Variants in STX8 observed in about 807,000 individuals in gnomAD.
STX8 encodes syntaxin-8.
STX8 carries 23 observed loss-of-function variants against 37.5 expected under a neutral mutation model. The ratio of observed to expected loss-of-function variants is 0.61; its 90% CI spans 0.44 to 0.87. The LOEUF is 0.87. Ranked by LOEUF, STX8 falls within the 40% of genes least tolerant of loss-of-function variation. The pLI, the probability that STX8 is intolerant of heterozygous loss-of-function variation, is 0.00. For synonymous variants in STX8, 115 were observed against 99.1 expected (o/e 1.16, Z -0.95); for missense variants, 313 against 284.7 (o/e 1.10, Z -0.71).
rs1199002351 is a variant in STX8, at chr17:9,418,922, C to CTT, written c.542-40271_542-40270dup. Among the ~76,000 whole-genome samples, 661 of 110,698 alleles carry CTT rather than the reference C, an allele frequency of 6.0e-3. 9 individuals are homozygous for CTT. Among genetic ancestry groups the CTT allele is most frequent in the South Asian group, 0.037 (111 of 2,972 alleles). The allele number at this position is 110,698 out of a possible 152,430, so 72.6% of individuals were successfully genotyped here. A position where few individuals can be genotyped will look rare whatever the true frequency, so the allele number is the denominator to read the frequency against. ...CCCACACCCCCCCCTCTTTTTTTTT[C>CTT]TTTTTTTTTTTTTTTTAAAGAGATG... On this transcript the variant is annotated intron_variant, in intron 6 of 7. Coordinates refer to ENST00000306357, the MANE Select transcript of STX8 (RefSeq NM_004853.3).
At chr17:9,509,736 G>A (rs1269224062) in intron 4 of STX8, among the ~76,000 whole-genome samples, 1 of 151,090 alleles carries the variant, frequency 6.6e-6, no homozygotes, top group Non-Finnish European at 1.5e-5. Flanking sequence ...AAAACAGCCA[G>A]AAAACAATAA....
intron 6 of STX8, among the ~76,000 whole-genome samples, chr17:9,458,211 G>A (rs1465854315): frequency 6.6e-6 from 1 of 152,120 alleles, no homozygotes; most frequent in Non-Finnish European, 1.5e-5. Flanking sequence ...GTGCAGTGGC[G>A]CCATCTTGGC....
At chr17:9,552,600 CCTAT>C (rs1489465170) in intron 3 of STX8, among the ~76,000 whole-genome samples, 1 of 151,996 alleles carries the variant, frequency 6.6e-6, no homozygotes, top group Non-Finnish European at 1.5e-5. Context: ...TATCTACTTA[CCTAT>C]CTTTGTTTTT....
intron 6 of STX8, among the ~76,000 whole-genome samples, chr17:9,382,570 A>G (rs1489798630): frequency 6.6e-6 from 1 of 152,164 alleles, no homozygotes; most frequent in Non-Finnish European, 1.5e-5. Context: ...TCCTAATGCT[A>G]TCCCTCCCCC....
intron 3 of STX8, chr17:9,557,041 A>C (rs1907008866): frequency 6.0e-6 from 1 of 167,160 alleles, no homozygotes; most frequent in East Asian, 1.5e-4. Context: ...ATCATTAAAA[A>C]CTCTGGAAAC....
chr17:9,431,444 TG>T (rs375752071), intron 6 of STX8, among the ~76,000 whole-genome samples: 25 of 148,438 alleles, frequency 1.7e-4, no homozygotes, highest in African/African-American at 2.3e-4. Context: ...TTGTTGTTGT[TG>T]TTGTTTTGTT....
intron 6 of STX8, among the ~76,000 whole-genome samples, chr17:9,460,013 C>T (rs1422253784): frequency 2.6e-5 from 4 of 152,210 alleles, no homozygotes; most frequent in African/African-American, 9.6e-5. Context: ...GGCCGAGCTC[C>T]AGCATCACAC....
intron 7 of STX8, among the ~76,000 whole-genome samples, chr17:9,342,060 G>T (rs557735370): frequency 2.6e-5 from 4 of 152,098 alleles, no homozygotes; most frequent in African/African-American, 9.7e-5. Context: ...GGAGGGGAAG[G>T]GGGAGATGGT....
At chr17:9,294,812 G>A (rs1365476672) in intron 7 of STX8, among the ~76,000 whole-genome samples, 1 of 152,208 alleles carries the variant, frequency 6.6e-6, no homozygotes, top group Non-Finnish European at 1.5e-5. Context: ...GAGGTCATAA[G>A]AGTGGGGTAC....
At chr17:9,251,671 C>T (rs778818596) in intron 7 of STX8, among the ~76,000 whole-genome samples, 7 of 152,306 alleles carry the variant, frequency 4.6e-5, no homozygotes, top group South Asian at 2.1e-4. Flanking sequence ...GGCATATGTT[C>T]GTGAGCAAAG....
intron 6 of STX8, among the ~76,000 whole-genome samples, chr17:9,462,146 G>C (rs150122986): frequency 7.9e-5 from 12 of 152,222 alleles, no homozygotes; most frequent in African/African-American, 2.9e-4. Flanking sequence ...GGACCCCTGG[G>C]TTAGAGAATC....
chr17:9,495,751 G>A (rs1239300157), intron 5 of STX8, among the ~76,000 whole-genome samples: 2 of 152,170 alleles, frequency 1.3e-5, no homozygotes, highest in African/African-American at 2.4e-5. Flanking sequence ...TCAGATAATC[G>A]AGATGCTGTA....
chr17:9,490,151 G>C (rs966645919), intron 6 of STX8, among the ~76,000 whole-genome samples: 2 of 152,180 alleles, frequency 1.3e-5, no homozygotes, highest in Non-Finnish European at 2.9e-5. Flanking sequence ...AAGAGAGAAG[G>C]CTTCTCCATT....
chr17:9,420,186 T>A (rs569456475), intron 6 of STX8, among the ~76,000 whole-genome samples: 2 of 152,324 alleles, frequency 1.3e-5, no homozygotes, highest in South Asian at 4.1e-4. Flanking sequence ...TCAGGAAATA[T>A]TCGTTGACTG....
intron 4 of STX8, among the ~76,000 whole-genome samples, chr17:9,514,091 AT>A (rs1905100916): frequency 1.3e-5 from 2 of 152,182 alleles, no homozygotes; most frequent in Non-Finnish European, 2.9e-5. Flanking sequence ...GACAGGAGGA[AT>A]AAGTTTGAGT....
chr17:9,460,777 T>G (rs1905350904), intron 6 of STX8, among the ~76,000 whole-genome samples: 1 of 152,044 alleles, frequency 6.6e-6, no homozygotes, highest in South Asian at 2.1e-4. Context: ...AAAGAACATA[T>G]TTTGTCATCA....
At chr17:9,269,661 T>C (rs1029320250) in intron 7 of STX8, among the ~76,000 whole-genome samples, 1 of 152,238 alleles carries the variant, frequency 6.6e-6, no homozygotes, top group Non-Finnish European at 1.5e-5. Context: ...ACATGGTCTG[T>C]CAGAGATTTC....
chr17:9,318,889 T>G (rs187726607), intron 7 of STX8, among the ~76,000 whole-genome samples: 193 of 152,104 alleles, frequency 1.3e-3, no homozygotes, highest in African/African-American at 4.3e-3. Flanking sequence ...AGGATAACAA[T>G]GAATAGAAAT....
intron 7 of STX8, among the ~76,000 whole-genome samples, chr17:9,362,701 A>G (rs932263205): frequency 3.9e-5 from 6 of 152,112 alleles, no homozygotes; most frequent in Non-Finnish European, 7.4e-5. Context: ...GGGCGCCTGT[A>G]GTCCCAGCTA....
Sources: allele counts gnomAD v4.1 joint callset (sites outside exome capture counted in the v4.1 genomes callset), GRCh38; gene constraint gnomAD v4.1.1; transcripts MANE v1.5; gene names NCBI Gene and HGNC (gene_info 2026-07-23, HGNC 2026-07-21).